The following FAM120A variants were observed in gnomAD, a reference collection of about 807,000 sequenced individuals.
The protein encoded by FAM120A is constitutive coactivator of PPAR-gamma-like protein 1.
FAM120A carries 15 observed loss-of-function variants against 109.7 expected under a neutral mutation model. That is an observed-to-expected ratio of 0.14 (90% CI 0.09 to 0.21). The LOEUF is 0.21. FAM120A is among the 10% of genes least tolerant of loss of function. FAM120A has a pLI of 1.00. For missense variants in FAM120A, 899 were observed against 1,439.3 expected (o/e 0.62, Z 6.07); for synonymous variants, 493 against 572.8 (o/e 0.86, Z 1.99).
At chr9:93,465,110 C>T (rs1301431187) in intron 1 of FAM120A, among the ~76,000 whole-genome samples, 1 of 152,192 alleles carries the variant, frequency 6.6e-6, no homozygotes, top group Non-Finnish European at 1.5e-5. Flanking sequence ...TCAAGTCTGT[C>T]AGACCAAAGC....
intron 13 of FAM120A, among the ~76,000 whole-genome samples, chr9:93,557,244 T>G (rs1862317101): frequency 6.6e-6 from 1 of 151,590 alleles, no homozygotes; most frequent in African/African-American, 2.4e-5. Flanking sequence ...ATTCTCCTGC[T>G]TTAGCCTCCC....
At chr9:93,494,200 C>G (rs868729581) in intron 3 of FAM120A, among the ~76,000 whole-genome samples, 1 of 152,292 alleles carries the variant, frequency 6.6e-6, no homozygotes, top group African/African-American at 2.4e-5. Context: ...AGGCCTCTCG[C>G]CAATCGGACT....
intron 3 of FAM120A, among the ~76,000 whole-genome samples, chr9:93,479,229 G>C (rs1858692058): frequency 6.7e-6 from 1 of 150,130 alleles, no homozygotes; most frequent in African/African-American, 2.4e-5. Context: ...CTCCCAAGTA[G>C]CTGGGACTAC....
chr9:93,451,927 G>A lies in FAM120A; in HGVS notation c.12G>A (p.Gln4=). The A allele has an allele frequency of 6.8e-7, 1 of 1,471,196 alleles. No homozygotes were observed. Among genetic ancestry groups the A allele is most frequent in the Non-Finnish European group, 8.9e-7 (1 of 1,120,138 alleles). 91.1% of individuals were successfully genotyped at this position (1,471,196 alleles called of 1,614,324 possible). ...CCCCCGCCGCCGCCATGGGCGTGCA[G>A]GGCTTCCAGGACTACATCGAGAAGC... MGV[Q]GFQDYIEKHC... The change falls in exon 1 of 18, where the codon CAG becomes CAA. Residue 4 remains glutamine (Q), a synonymous_variant. Coordinates refer to ENST00000277165, the MANE Select transcript of FAM120A (RefSeq NM_014612.5).
Position 93,452,618 on chromosome 9 carries a change from C to T in FAM120A, c.474+229C>T. The T allele has an allele frequency of 6.3e-7, 1 of 1,599,152 alleles. No homozygotes were observed. The highest frequency in any genetic ancestry group is 8.5e-7 in the Non-Finnish European group (1 of 1,179,836). ...GCTGTCCCTGTTCGGGGTCCGCGGC[C>T]GCGTGGGGACACTTGAGGGCTGGGA... On this transcript the variant is annotated intron_variant, in intron 1 of 17. Transcript: ENST00000277165. The surrounding 1 kb of genome is among the most constrained non-coding windows in gnomAD (Gnocchi z 7.0).
In FAM120A at chr9:93,452,556, G is replaced by A; in HGVS notation, c.474+167G>A. The A allele has an allele frequency of 1.9e-6, 3 of 1,584,306 alleles. No homozygotes were observed. The highest frequency in any genetic ancestry group is 1.7e-5 in the Admixed American group (1 of 57,150). ...GGGCCGGGCTGCAAGATGGATGGCCGCGGGTGCAGGCCGCGCGCTGCCCAA... is the reference window on the plus strand; with the variant it reads ...GGGCCGGGCTGCAAGATGGATGGCCACGGGTGCAGGCCGCGCGCTGCCCAA... On this transcript the variant is annotated intron_variant, in intron 1 of 17. Transcript: ENST00000277165. This position sits in a 1 kb window ranked among gnomAD's most constrained non-coding sequence, Gnocchi z 7.0.
chr9:93,490,423 A>G (rs1859264283), intron 3 of FAM120A, among the ~76,000 whole-genome samples: 1 of 152,214 alleles, frequency 6.6e-6, no homozygotes, highest in Non-Finnish European at 1.5e-5. Flanking sequence ...GACCCTGTCA[A>G]ATGATCCTGT....
intron 9 of FAM120A, 126 bp downstream of exon 9, chr9:93,529,706 C>G (rs766295160): frequency 1.3e-6 from 1 of 787,290 alleles, no homozygotes. Flanking sequence ...AAACAAAGTT[C>G]ACTTTCCCCT....
At chr9:93,537,428 G>A (rs867396510) in intron 10 of FAM120A, among the ~76,000 whole-genome samples, 6 of 152,104 alleles carry the variant, frequency 3.9e-5, no homozygotes, top group African/African-American at 1.2e-4. Context: ...TAAAATTAAC[G>A]TCATCTTAAT....
chr9:93,558,554 CCT>C (rs781051988), intron 14 of FAM120A, 25 bp from the exon 15 acceptor site: 1 of 1,612,730 alleles, frequency 6.2e-7, no homozygotes, highest in Admixed American at 1.7e-5. Flanking sequence ...ACACTTCTCC[CCT>C]CTCTCTCTAC....
chr9:93,550,497 C>T (rs1862059909), intron 11 of FAM120A, 80 bp from the exon 12 acceptor site: 1 of 1,016,684 alleles, frequency 9.8e-7, no homozygotes, highest in African/African-American at 1.6e-5. Flanking sequence ...CGGGATTTAC[C>T]TAGAACCTCC....
intron 3 of FAM120A, among the ~76,000 whole-genome samples, chr9:93,492,313 G>A (rs12339902): frequency 6.6e-6 from 1 of 152,088 alleles, no homozygotes; most frequent in Admixed American, 6.6e-5. Flanking sequence ...ATACCTTTTA[G>A]TACCAAGATT....
chr9:93,561,562 T>G (rs1191169962), intron 16 of FAM120A, among the ~76,000 whole-genome samples: 1 of 152,032 alleles, frequency 6.6e-6, no homozygotes, highest in Non-Finnish European at 1.5e-5. Flanking sequence ...GCCTGGCTAA[T>G]TTTTGTATTT....
Position 93,457,497 on chromosome 9 carries a change from C to G in FAM120A, c.474+5108C>G, listed in dbSNP as rs1035307332. On this transcript the variant is annotated intron_variant, in intron 1 of 17. Coordinates refer to ENST00000277165, the MANE Select transcript of FAM120A (RefSeq NM_014612.5). ...CTATACTTAGAGCTCTAAGTCTTTTCAGTCCCTAAATAGTATTCCATAATT... is the reference window on the plus strand; with the variant it reads ...CTATACTTAGAGCTCTAAGTCTTTTGAGTCCCTAAATAGTATTCCATAATT... 3.9e-5 allele frequency among the ~76,000 whole-genome samples: 6 copies of G among 152,174 alleles called. No homozygotes were observed. In the East Asian group the frequency reaches 1.2e-3, roughly 29 times the overall value.
chr9:93,497,662 G>A lies in FAM120A; in HGVS notation c.933+63G>A, dbSNP rs2297375. The stretch of plus-strand genomic sequence containing the variant: ...ATGGGATATGACGTTGCATAGTGGT[G>A]TGGCCAGGTTTGGAAGAAGGGGACT... On this transcript the variant is annotated intron_variant, in intron 4 of 17. Transcript: ENST00000277165. The A allele has an allele frequency of 9.0e-4, 1,389 of 1,537,776 alleles. 15 individuals are homozygous for A. In the East Asian group the frequency reaches 0.029, roughly 32 times the overall value.
At chr9:93,517,063 C>T (rs1479049918) in intron 7 of FAM120A, among the ~76,000 whole-genome samples, 2 of 152,222 alleles carry the variant, frequency 1.3e-5, no homozygotes, top group South Asian at 4.2e-4. Flanking sequence ...TGTCAGCTTC[C>T]ATGCCAGTTC....
intron 14 of FAM120A, 123 bp from the exon 15 acceptor site, chr9:93,558,458 G>C (rs1862366519): frequency 8.1e-7 from 1 of 1,235,674 alleles, no homozygotes; most frequent in African/African-American, 1.5e-5. Context: ...GGTGACAAGA[G>C]GGGCCAGGAG....
In FAM120A at chr9:93,550,567, C is replaced by T. The variant is rs1862062811; in HGVS notation, c.2160-10C>T. On this transcript the variant is annotated splice_polypyrimidine_tract_variant and intron_variant, in intron 11 of 17. Transcript: ENST00000277165. ...GTAATCACCAACCTTTTGTTTCTGC[C>T]CCTCACCAGGTACATGGTGCAGTGG... The T allele has an allele frequency of 1.2e-6, 2 of 1,609,280 alleles. No homozygotes were observed. Among genetic ancestry groups the T allele is most frequent in the Non-Finnish European group, 1.7e-6 (2 of 1,176,432 alleles).
intron 1 of FAM120A, among the ~76,000 whole-genome samples, chr9:93,458,272 G>T (rs1045590124): frequency 6.6e-6 from 1 of 151,884 alleles, no homozygotes; most frequent in Non-Finnish European, 1.5e-5. Context: ...ACTTCTGAAC[G>T]CTGTGTCCCT....
Sources: allele counts gnomAD v4.1 joint callset (sites outside exome capture counted in the v4.1 genomes callset), GRCh38; gene constraint gnomAD v4.1.1; non-coding constraint Gnocchi (gnomAD v3.1); transcripts MANE v1.5; gene names NCBI Gene and HGNC (gene_info 2026-07-23, HGNC 2026-07-21).